KLF15: variants seen among roughly 807,000 people sequenced by gnomAD.
The protein encoded by KLF15 is KLF transcription factor 15, also known as Krueppel-like factor 15.
A neutral mutation model predicts 24.6 loss-of-function variants in KLF15; 4 were observed. The observed-to-expected ratio is 0.16, with a 90% CI of 0.08 to 0.37. The LOEUF (loss-of-function observed/expected upper bound fraction) is 0.37. KLF15 is among the 10% of genes least tolerant of loss of function. The pLI is 1.00. For synonymous variants in KLF15, 246 were observed against 236.3 expected (o/e 1.04, Z -0.37); for missense variants, 496 against 560.6 (o/e 0.88, Z 1.16).
At chr3:126,313,868 A>G in the KLF15 span, among the ~76,000 whole-genome samples, 1 of 152,186 alleles carries the variant, frequency 6.6e-6, no homozygotes, top group African/African-American at 2.4e-5. Flanking sequence ...AAAGTCATCT[A>G]GGGATGTCTT....
chr3:126,319,150 T>C, the KLF15 span, among the ~76,000 whole-genome samples: 2 of 152,240 alleles, frequency 1.3e-5, no homozygotes, highest in African/African-American at 2.4e-5. Context: ...TGCTGAATGA[T>C]ATTCCATCGT....
At chr3:126,349,148 C>G (rs2082560977) in intron 2 of KLF15, among the ~76,000 whole-genome samples, 2 of 152,126 alleles carry the variant, frequency 1.3e-5, no homozygotes, top group Admixed American at 1.3e-4. Flanking sequence ...TGGGCACATC[C>G]CCAGGGTTTC....
the KLF15 span, among the ~76,000 whole-genome samples, chr3:126,323,418 TATATA>T: frequency 3.4e-5 from 1 of 29,264 alleles, no homozygotes; most frequent in Admixed American, 4.0e-4. Context: ...TATATATATA[TATATA>T]TATATATATA....
chr3:126,344,728 G>A (rs574212100), intron 2 of KLF15, among the ~76,000 whole-genome samples: 1 of 152,350 alleles, frequency 6.6e-6, no homozygotes, highest in African/African-American at 2.4e-5. Flanking sequence ...TCAGACTTGA[G>A]TCCACCCACT....
chr3:126,327,381 G>T, the KLF15 span, among the ~76,000 whole-genome samples: 23 of 152,166 alleles, frequency 1.5e-4, no homozygotes, highest in Admixed American at 1.4e-3. Context: ...TGATCAGACC[G>T]ACTTTAACTG....
chr3:126,354,574 A>G (rs1473642247), intron 1 of KLF15, among the ~76,000 whole-genome samples: 1 of 152,228 alleles, frequency 6.6e-6, no homozygotes, highest in Non-Finnish European at 1.5e-5. Flanking sequence ...ACGGAGCTCC[A>G]GGAAACTAAG....
rs766329527 is a variant in KLF15, at chr3:126,352,710, C to T, written c.213G>A (p.Glu71=). ...GGAAGTCCAAGATGCTGTCCTGGCT[C>T]TCGGTGCCCAGGCCTCCACCATAGC... ...CSCYGGGLGT[E]SQDSILDFLL... The change falls in exon 2 of 3, where the codon GAG becomes GAA. Residue 71 remains glutamate (E), a synonymous_variant. Coordinates refer to ENST00000296233, the MANE Select transcript of KLF15 (RefSeq NM_014079.4). 11 of 1,582,092 alleles carry T rather than the reference C, an allele frequency of 7.0e-6. No homozygotes were observed. The highest frequency in any genetic ancestry group is 4.0e-5 in the African/African-American group (3 of 74,144).
At chr3:126,321,906 A>T in the KLF15 span, among the ~76,000 whole-genome samples, 1 of 152,066 alleles carries the variant, frequency 6.6e-6, no homozygotes, top group Admixed American at 6.5e-5. Flanking sequence ...CAGAAGTCAG[A>T]TGCCCACATG....
chr3:126,329,838 CTTTT>C, the KLF15 span, among the ~76,000 whole-genome samples: 1 of 141,826 alleles, frequency 7.1e-6, no homozygotes, highest in African/African-American at 2.6e-5. Flanking sequence ...TATTATTACA[CTTTT>C]TTTTTTTTTT....
At chr3:126,314,691 C>T in the KLF15 span, among the ~76,000 whole-genome samples, 14 of 152,202 alleles carry the variant, frequency 9.2e-5, no homozygotes, top group African/African-American at 3.4e-4. Context: ...ATACTGGGCT[C>T]CACCTGGGGC....
chr3:126,301,938 CT>C, the KLF15 span, among the ~76,000 whole-genome samples: 19 of 146,526 alleles, frequency 1.3e-4, no homozygotes, highest in East Asian at 9.9e-4. Flanking sequence ...ACGTAATTTG[CT>C]TTTTTTTTTC....
At chr3:126,295,666 C>T in the KLF15 span, among the ~76,000 whole-genome samples, 1 of 152,336 alleles carries the variant, frequency 6.6e-6, no homozygotes, top group South Asian at 2.1e-4. Context: ...AGATTATATG[C>T]TTGGCCAAAC....
intron 1 of KLF15, among the ~76,000 whole-genome samples, chr3:126,354,788 C>T (rs1320457925): frequency 6.6e-6 from 1 of 152,224 alleles, no homozygotes; most frequent in Non-Finnish European, 1.5e-5. Flanking sequence ...CTCCCCCAAC[C>T]CTTTCCCACC....
the KLF15 span, among the ~76,000 whole-genome samples, chr3:126,323,424 T>TAAC: frequency 1.9e-4 from 5 of 25,946 alleles, no homozygotes; most frequent in African/African-American, 3.1e-4. Flanking sequence ...TATATATATA[T>TAAC]ATATATATAT....
the KLF15 span, among the ~76,000 whole-genome samples, chr3:126,317,401 A>G: frequency 1.4e-4 from 21 of 152,144 alleles, no homozygotes; most frequent in African/African-American, 5.1e-4. Flanking sequence ...CGGTCTCCCA[A>G]TAGATAGAAA....
the KLF15 span, among the ~76,000 whole-genome samples, chr3:126,327,975 G>C: frequency 2.0e-5 from 3 of 152,058 alleles, no homozygotes; most frequent in African/African-American, 7.2e-5. Context: ...GGTGGTATTT[G>C]GTTGCATGTG....
At chr3:126,318,073 T>A in the KLF15 span, among the ~76,000 whole-genome samples, 1 of 152,140 alleles carries the variant, frequency 6.6e-6, no homozygotes, top group Non-Finnish European at 1.5e-5. Context: ...AAACAGCTCC[T>A]CTTCCTGGAC....
chr3:126,329,067 T>C, the KLF15 span, among the ~76,000 whole-genome samples: 1 of 152,222 alleles, frequency 6.6e-6, no homozygotes, highest in Non-Finnish European at 1.5e-5. Context: ...ATGTCTATCT[T>C]TTCCATAATG....
chr3:126,313,821 C>G, the KLF15 span, among the ~76,000 whole-genome samples: 53,732 of 152,162 alleles, frequency 0.35, 10,528 homozygotes, highest in Non-Finnish European at 0.45. Context: ...GGTCTGGGCT[C>G]AGCCATGGTC....
Sources: allele counts gnomAD v4.1 joint callset (sites outside exome capture counted in the v4.1 genomes callset), GRCh38; gene constraint gnomAD v4.1.1; transcripts MANE v1.5; gene names NCBI Gene and HGNC (gene_info 2026-07-23, HGNC 2026-07-21).